SPPL2A: variants seen among roughly 807,000 people sequenced by gnomAD.
The protein encoded by SPPL2A is signal peptide peptidase like 2A.
In SPPL2A, 51 loss-of-function variants were observed where a neutral mutation model predicts 63.8. The observed-to-expected ratio is 0.80, with a 90% CI of 0.64 to 1.01. The LOEUF is 1.01. Ranked by LOEUF, SPPL2A falls within the 50% of genes least tolerant of loss-of-function variation. The probability of loss-of-function intolerance (pLI) is 0.00; values close to 1 mark genes in which losing one functional copy is unlikely to be tolerated. For missense variants in SPPL2A, 553 were observed against 622.7 expected (o/e 0.89, Z 1.19); for synonymous variants, 188 against 205.8 (o/e 0.91, Z 0.74).
At chr15:50,708,239 G>A (rs2062527480) in intron 14 of SPPL2A, among the ~76,000 whole-genome samples, 1 of 152,102 alleles carries the variant, frequency 6.6e-6, no homozygotes, top group Non-Finnish European at 1.5e-5. Flanking sequence ...CATACAAATG[G>A]GAAAACTAAA....
intron 14 of SPPL2A, among the ~76,000 whole-genome samples, chr15:50,714,797 T>C (rs12438878): frequency 6.7e-6 from 1 of 148,480 alleles, no homozygotes; most frequent in African/African-American, 2.5e-5. Flanking sequence ...ACAAAAATTA[T>C]CCAGGGATGG....
intron 14 of SPPL2A, among the ~76,000 whole-genome samples, chr15:50,714,325 G>T (rs974187438): frequency 1.9e-4 from 29 of 152,272 alleles, no homozygotes; most frequent in African/African-American, 6.5e-4. Context: ...TAGCTGCTGT[G>T]AAGCAGAGGC....
intron 1 of SPPL2A, among the ~76,000 whole-genome samples, chr15:50,763,392 C>T (rs2063028666): frequency 6.6e-6 from 1 of 152,188 alleles, no homozygotes; most frequent in African/African-American, 2.4e-5. Flanking sequence ...ATCAGTGATA[C>T]TAGCTGGTAT....
rs543426073 is a variant in SPPL2A, at chr15:50,732,503, C to T, written c.1014+100G>A. The T allele has an allele frequency of 9.6e-5, 64 of 665,560 alleles. 1 individual carries two copies. The South Asian group carries it at 1.0e-3, about 11-fold the overall frequency. 41.2% of individuals were successfully genotyped at this position (665,560 alleles called of 1,614,324 possible). The stretch of plus-strand genomic sequence containing the variant: ...ATTCATAAAATTTTCATAAACAGTA[C>T]GCCAAAAATTGGCGCATTTAATTGT... On this transcript the variant is annotated intron_variant, in intron 9 of 14. Coordinates refer to ENST00000261854, the MANE Select transcript of SPPL2A (RefSeq NM_032802.4).
Position 50,725,205 on chromosome 15 carries a change from T to G in SPPL2A, c.1249+16A>C, listed in dbSNP as rs1050952087. ...CAGTGTTTTTTTTTTTAACTAAAAT[T>G]GTTACAATTGCTTACCTGGTACAAT... On this transcript the variant is annotated intron_variant, in intron 12 of 14. Coordinates refer to ENST00000261854, the MANE Select transcript of SPPL2A (RefSeq NM_032802.4). 6 of 1,391,606 alleles carry G rather than the reference T, an allele frequency of 4.3e-6. No homozygotes were observed. The South Asian group carries it at 7.3e-5, about 17-fold the overall frequency. 86.2% of individuals were successfully genotyped at this position (1,391,606 alleles called of 1,614,324 possible).
chr15:50,720,816 G>A (rs1404940118), intron 13 of SPPL2A, among the ~76,000 whole-genome samples: 1 of 151,944 alleles, frequency 6.6e-6, no homozygotes, highest in Non-Finnish European at 1.5e-5. Flanking sequence ...ACCGCGCCCG[G>A]CCTGAACTTT....
rs1418455618 is a variant in SPPL2A at position 50,703,229 on chromosome 15, T to C, written c.*4571A>G. 1 of 150,222 alleles carries C rather than the reference T, an allele frequency of 6.7e-6. No individual in the cohort carries two copies. Among genetic ancestry groups the C allele is most frequent in the Non-Finnish European group, 1.5e-5 (1 of 67,754 alleles). 9.3% of individuals were successfully genotyped at this position (150,222 alleles called of 1,614,324 possible). ...TGGTCTACACTGAATTCCATTCAAT[T>C]GTAGACTGAAGTACAGTTTTTGTTT... is the stretch of plus-strand genomic sequence containing the variant. On this transcript the variant is annotated 3_prime_UTR_variant, in exon 15 of 15. Transcript: ENST00000261854.
At chr15:50,708,368 A>C (rs1178237468) in intron 14 of SPPL2A, among the ~76,000 whole-genome samples, 1 of 152,200 alleles carries the variant, frequency 6.6e-6, no homozygotes, top group Non-Finnish European at 1.5e-5. Context: ...TAATTTCTAC[A>C]AAAAATGAAC....
At chr15:50,756,390 G>C (rs1297971400) in intron 1 of SPPL2A, among the ~76,000 whole-genome samples, 2 of 148,108 alleles carry the variant, frequency 1.4e-5, no homozygotes, top group Non-Finnish European at 3.0e-5. Context: ...GTCAGGGTCT[G>C]TTTGAACATT....
chr15:50,763,521 T>G (rs2063030354), intron 1 of SPPL2A, among the ~76,000 whole-genome samples: 1 of 152,184 alleles, frequency 6.6e-6, no homozygotes, highest in Non-Finnish European at 1.5e-5. Flanking sequence ...TGTTACTTAA[T>G]CTTCACAACA....
At position 50,748,803 on chromosome 15, in the gene SPPL2A, C is replaced by A. The variant is rs541921592; in HGVS notation, c.245G>T (p.Gly82Val). Residue 82 changes from glycine (G) to valine (V), a missense_variant, in exon 3 of 15, where the codon GGC becomes GTC. By Grantham distance (109) the Gly-to-Val change is moderately radical (BLOSUM62 -3). Transcript: ENST00000261854. ...AACCACAACTGCTTTGCTCTTTATG[C>A]CAACAGGAGGAATATCAGAAAGGTT... The part of the protein sequence containing the change: ...LCNLSDIPPV[G>V]IKSKAVVVPW... The A allele has an allele frequency of 1.9e-6, 3 of 1,611,566 alleles. No individual in the cohort carries two copies. Among genetic ancestry groups the A allele is most frequent in the Admixed American group, 1.7e-5 (1 of 59,428 alleles).
chr15:50,734,774 C>T (rs1232139161), intron 8 of SPPL2A, among the ~76,000 whole-genome samples: 1 of 152,160 alleles, frequency 6.6e-6, no homozygotes, highest in African/African-American at 2.4e-5. Context: ...TGTATCAAAA[C>T]ACCACATGTA....
In SPPL2A at chr15:50,704,197, C is replaced by G. The variant is rs961165128; in HGVS notation, c.*3603G>C. On this transcript the variant is annotated 3_prime_UTR_variant, in exon 15 of 15. Transcript: ENST00000261854. ...GTCTCTACTAAAAATACTATATTAG[C>G]CGGGTGTGGTGGCACATGCCTATAA... 1 of 152,022 alleles carries G rather than the reference C, an allele frequency of 6.6e-6. No individual in the cohort carries two copies. Among genetic ancestry groups the G allele is most frequent in the African/African-American group, 2.4e-5 (1 of 41,382 alleles). The allele number at this position is 152,022 out of a possible 1,614,324, so 9.4% of individuals were successfully genotyped here. A position where few individuals can be genotyped will look rare whatever the true frequency, so the allele number is the denominator to read the frequency against.
At chr15:50,754,345 TGTACAATGAC>T (rs2141057706) in intron 1 of SPPL2A, among the ~76,000 whole-genome samples, 1 of 152,312 alleles carries the variant, frequency 6.6e-6, no homozygotes, top group East Asian at 1.9e-4. Flanking sequence ...TTTTGATAAG[TGTACAATGAC>T]ACATATCCAT....
intron 6 of SPPL2A, among the ~76,000 whole-genome samples, chr15:50,737,371 T>G (rs1192671621): frequency 6.6e-6 from 1 of 152,192 alleles, no homozygotes; most frequent in Non-Finnish European, 1.5e-5. Context: ...ATTAATAAAA[T>G]CACCTGTTTG....
intron 6 of SPPL2A, among the ~76,000 whole-genome samples, chr15:50,738,180 C>T (rs149172340): frequency 2.7e-5 from 4 of 145,920 alleles, no homozygotes; most frequent in African/African-American, 7.5e-5. Flanking sequence ...CAGAGCAGAG[C>T]AAGACTGTCT....
At position 50,736,639 on chromosome 15, in the gene SPPL2A, C is replaced by A. The variant is rs775021087; in HGVS notation, c.830+5G>T. The A allele has an allele frequency of 2.0e-5, 30 of 1,465,922 alleles. No homozygotes were observed. Among genetic ancestry groups the A allele is most frequent in the Non-Finnish European group, 2.7e-5 (29 of 1,055,662 alleles). 90.8% of individuals were successfully genotyped at this position (1,465,922 alleles called of 1,614,324 possible). ...ATTATAAGATTTCCTGTAAGAGATACGTACGTGCATTGTCCATATGGTATC... is the reference window on the plus strand; with the variant it reads ...ATTATAAGATTTCCTGTAAGAGATAAGTACGTGCATTGTCCATATGGTATC... On this transcript the variant is annotated splice_donor_5th_base_variant and intron_variant, in intron 7 of 14. Coordinates refer to ENST00000261854, the MANE Select transcript of SPPL2A (RefSeq NM_032802.4).
At chr15:50,764,084 T>C (rs761784140) in intron 1 of SPPL2A, among the ~76,000 whole-genome samples, 1 of 152,188 alleles carries the variant, frequency 6.6e-6, no homozygotes, top group African/African-American at 2.4e-5. Flanking sequence ...AATGTGAGTT[T>C]ATGAGGAACT....
chr15:50,748,939 T>C, intron 2 of SPPL2A, 69 bp from the exon 3 acceptor site: 1 of 952,814 alleles, frequency 1.0e-6, no homozygotes, highest in East Asian at 2.7e-5. Context: ...CAGTTATAAA[T>C]ACTGCCTTTG....
Sources: allele counts gnomAD v4.1 joint callset (sites outside exome capture counted in the v4.1 genomes callset), GRCh38; gene constraint gnomAD v4.1.1; transcripts MANE v1.5; gene names NCBI Gene and HGNC (gene_info 2026-07-23, HGNC 2026-07-21).